KCNH8: variants seen among roughly 807,000 people sequenced by gnomAD.
KCNH8 encodes voltage-gated delayed rectifier potassium channel KCNH8.
Under a neutral mutation model 103.6 loss-of-function variants are expected in KCNH8, and 70 were observed. The observed-to-expected ratio is 0.68, with a 90% CI of 0.56 to 0.82. KCNH8 has a LOEUF of 0.82. KCNH8 is among the 40% of genes least tolerant of loss of function. The pLI is 0.00. For synonymous variants in KCNH8, 498 were observed against 489.4 expected, an observed-to-expected ratio of 1.02 and a Z score of -0.23; for missense variants, 1,217 against 1,329.9, an observed-to-expected ratio of 0.92 and a Z score of 1.32.
chr3:19,166,795 A>G (rs894644844), intron 1 of KCNH8, among the ~76,000 whole-genome samples: 4 of 152,208 alleles, frequency 2.6e-5, no homozygotes, highest in African/African-American at 9.6e-5. Context: ...AGGGATATCT[A>G]GTACCCTTAA....
At chr3:19,257,492 A>T (rs541604126) in intron 2 of KCNH8, among the ~76,000 whole-genome samples, 5 of 152,048 alleles carry the variant, frequency 3.3e-5, no homozygotes, top group Admixed American at 2.0e-4. Context: ...CAACTTTAAT[A>T]TCAACTTTAA....
At chr3:19,401,375 G>A (rs2066610579) in intron 7 of KCNH8, among the ~76,000 whole-genome samples, 1 of 151,988 alleles carries the variant, frequency 6.6e-6, no homozygotes, top group Non-Finnish European at 1.5e-5. Flanking sequence ...CAACACATCT[G>A]CAAATTTATT....
At chr3:19,415,735 A>G (rs1407047172) in intron 7 of KCNH8, among the ~76,000 whole-genome samples, 1 of 152,076 alleles carries the variant, frequency 6.6e-6, no homozygotes, top group Non-Finnish European at 1.5e-5. Flanking sequence ...AATGCAATGT[A>G]AAAACAACAA....
intron 11 of KCNH8, among the ~76,000 whole-genome samples, chr3:19,489,610 T>C (rs1169615612): frequency 5.3e-5 from 8 of 152,096 alleles, no homozygotes; most frequent in African/African-American, 2.4e-5. Flanking sequence ...CATAACTCCA[T>C]AGTCTCCCTT....
intron 3 of KCNH8, among the ~76,000 whole-genome samples, chr3:19,315,678 TA>T (rs958666264): frequency 6.6e-6 from 1 of 151,990 alleles, no homozygotes; most frequent in African/African-American, 2.4e-5. Context: ...TTCCTCAAAA[TA>T]GTTCTTTTGT....
chr3:19,247,013 T>G (rs1453472779), intron 1 of KCNH8, among the ~76,000 whole-genome samples: 3 of 152,216 alleles, frequency 2.0e-5, no homozygotes, highest in Non-Finnish European at 4.4e-5. Context: ...GAGTTCCAGC[T>G]TTGAGCTTTG....
chr3:19,161,049 A>G (rs527769179), intron 1 of KCNH8, among the ~76,000 whole-genome samples: 132 of 152,310 alleles, frequency 8.7e-4, no homozygotes, highest in African/African-American at 3.0e-3. Context: ...GCTAAGATCC[A>G]CAGTATGAAT....
intron 5 of KCNH8, among the ~76,000 whole-genome samples, chr3:19,349,416 G>A (rs2065770427): frequency 1.3e-5 from 2 of 151,990 alleles, no homozygotes; most frequent in Admixed American, 1.3e-4. Context: ...CCATGCCCTG[G>A]TCAAAGTTCT....
intron 1 of KCNH8, among the ~76,000 whole-genome samples, chr3:19,151,069 AC>A (rs2063124267): frequency 6.6e-6 from 1 of 151,808 alleles, no homozygotes. Context: ...AACTTAAAAT[AC>A]CTTAAACAAA....
intron 2 of KCNH8, among the ~76,000 whole-genome samples, chr3:19,276,706 A>T (rs1316834049): frequency 1.3e-5 from 2 of 152,168 alleles, no homozygotes; most frequent in East Asian, 3.9e-4. Flanking sequence ...ATTGACAAAT[A>T]TATTTTAGTG....
chr3:19,534,234 G>A lies in KCNH8; in HGVS notation c.*135G>A, dbSNP rs2069227248. On this transcript the variant is annotated 3_prime_UTR_variant, in exon 16 of 16. Transcript: ENST00000328405. The stretch of plus-strand genomic sequence containing the variant: ...TGCAGAAAAGAGTGTGAGGAGCCAG[G>A]GAAAGGCAGAACCACCTCCATGCTG... 1 of 655,454 alleles carries A rather than the reference G, an allele frequency of 1.5e-6. No individual in the cohort carries two copies. Among genetic ancestry groups the A allele is most frequent in the African/African-American group, 1.8e-5 (1 of 54,772 alleles). 40.6% of individuals were successfully genotyped at this position (655,454 alleles called of 1,614,324 possible). A position where few individuals can be genotyped will look rare whatever the true frequency, so the allele number is the denominator to read the frequency against.
intron 3 of KCNH8, among the ~76,000 whole-genome samples, chr3:19,285,744 AG>A (rs1440599723): frequency 6.6e-6 from 1 of 151,696 alleles, no homozygotes; most frequent in Non-Finnish European, 1.5e-5. Context: ...ACACTCATGC[AG>A]CCCAACCTCA....
intron 11 of KCNH8, among the ~76,000 whole-genome samples, chr3:19,492,903 C>T (rs1380117613): frequency 1.4e-5 from 2 of 145,886 alleles, no homozygotes; most frequent in South Asian, 4.4e-4. Flanking sequence ...ACTTCTTTCA[C>T]AAGACTTTCG....
chr3:19,268,754 A>T (rs1487329273), intron 2 of KCNH8, among the ~76,000 whole-genome samples: 4 of 152,068 alleles, frequency 2.6e-5, no homozygotes, highest in African/African-American at 9.7e-5. Flanking sequence ...AAATCTGGGG[A>T]TGGGGCCCAG....
intron 11 of KCNH8, among the ~76,000 whole-genome samples, chr3:19,505,329 A>G (rs2068671230): frequency 6.6e-6 from 1 of 152,072 alleles, no homozygotes. Context: ...GAGGAGGGAG[A>G]GGATCAGAAA....
intron 11 of KCNH8, among the ~76,000 whole-genome samples, chr3:19,463,190 A>G (rs1575095377): frequency 6.6e-6 from 1 of 152,144 alleles, no homozygotes; most frequent in African/African-American, 2.4e-5. Context: ...GAGGATTTTC[A>G]TATCTGCAGG....
At chr3:19,383,517 G>A (rs1027949194) in intron 5 of KCNH8, among the ~76,000 whole-genome samples, 5 of 151,442 alleles carry the variant, frequency 3.3e-5, no homozygotes, top group South Asian at 2.1e-4. Context: ...GACTACAGGC[G>A]CCCGCCACTA....
chr3:19,156,985 A>T (rs567690068), intron 1 of KCNH8, among the ~76,000 whole-genome samples: 49 of 142,568 alleles, frequency 3.4e-4, no homozygotes, highest in African/African-American at 1.4e-3. Context: ...TTTTTTTTAA[A>T]AAAAAGGTTT....
intron 11 of KCNH8, among the ~76,000 whole-genome samples, chr3:19,478,066 AC>A (rs1226996542): frequency 1.3e-5 from 2 of 152,260 alleles, no homozygotes; most frequent in African/African-American, 4.8e-5. Flanking sequence ...CTCCAGTTAC[AC>A]CCATGTTACT....
Sources: gnomAD v4.1 joint callset for allele counts (sites outside exome capture counted in the v4.1 genomes callset) on GRCh38, gnomAD v4.1.1 for gene constraint, MANE v1.5 for transcripts, NCBI Gene and HGNC (gene_info 2026-07-23, HGNC 2026-07-21) for gene names.